Variants in ADGRA3 observed in about 807,000 individuals in gnomAD.
ADGRA3 encodes adhesion G protein-coupled receptor A3.
A neutral mutation model predicts 119.8 loss-of-function variants in ADGRA3; 56 were observed. The ratio of observed to expected loss-of-function variants is 0.47; its 90% CI spans 0.38 to 0.58. ADGRA3 has a LOEUF of 0.58. Ranked by LOEUF, ADGRA3 falls within the 20% of genes least tolerant of loss-of-function variation. The probability of loss-of-function intolerance (pLI) is 0.00; values close to 1 mark genes in which losing one functional copy is unlikely to be tolerated. For missense variants in ADGRA3, 1,516 were observed against 1,649.0 expected, an observed-to-expected ratio of 0.92 and a Z score of 1.40; for synonymous variants, 607 against 623.8, an observed-to-expected ratio of 0.97 and a Z score of 0.40.
Position 22,442,711 on chromosome 4 carries a change from C to G in ADGRA3, c.859G>C (p.Asp287His). The change falls in exon 7 of 19, where the codon GAT becomes CAT. Residue 287 changes from aspartate (D) to histidine (H), a missense_variant. Asp to His is a moderately conservative substitution (Grantham distance 81). Coordinates refer to ENST00000334304, the MANE Select transcript of ADGRA3 (RefSeq NM_145290.4). ...WYQDGRIVET[D>H]ESQGIFVEKN... ...TCAACAAAAATACCTTGCGATTCAT[C>G]GGTTTCAACTATTCTCCCATCCTGA... 2 of 1,613,500 alleles carry G rather than the reference C, an allele frequency of 1.2e-6. No homozygotes were observed. The highest frequency in any genetic ancestry group is 8.5e-7 in the Non-Finnish European group (1 of 1,179,728).
In ADGRA3 at chr4:22,389,074, T is replaced by C. The variant is rs1161675674; in HGVS notation, c.2723+14A>G. The C allele has an allele frequency of 1.2e-6, 2 of 1,611,100 alleles. No individual in the cohort carries two copies. Among genetic ancestry groups the C allele is most frequent in the Non-Finnish European group, 1.7e-6 (2 of 1,177,690 alleles). The stretch of plus-strand genomic sequence containing the variant: ...ACAACTGGGTCAAGTACACAGAGAA[T>C]ATAAAATACTCACTAGGGTGCGTTT... On this transcript the variant is annotated intron_variant, in intron 18 of 18. Coordinates refer to ENST00000334304, the MANE Select transcript of ADGRA3 (RefSeq NM_145290.4).
At chr4:22,487,852 C>A (rs374702966) in intron 1 of ADGRA3, among the ~76,000 whole-genome samples, 1 of 152,160 alleles carries the variant, frequency 6.6e-6, no homozygotes, top group Non-Finnish European at 1.5e-5. Context: ...AGTGATAACA[C>A]TACAATGGCC....
intron 1 of ADGRA3, among the ~76,000 whole-genome samples, chr4:22,493,614 A>T (rs1416658443): frequency 6.6e-6 from 1 of 152,190 alleles, no homozygotes; most frequent in Non-Finnish European, 1.5e-5. Flanking sequence ...CTGGTAAAGC[A>T]CTAGGACTTT....
chr4:22,502,590 C>A (rs985603650), intron 1 of ADGRA3, among the ~76,000 whole-genome samples: 2 of 151,896 alleles, frequency 1.3e-5, no homozygotes, highest in African/African-American at 4.8e-5. Flanking sequence ...GGGAGAGGAG[C>A]TTTTTTAACA....
intron 1 of ADGRA3, among the ~76,000 whole-genome samples, chr4:22,491,894 G>A (rs1225242223): frequency 6.6e-6 from 1 of 152,166 alleles, no homozygotes; most frequent in Non-Finnish European, 1.5e-5. Flanking sequence ...ACTATGAGAA[G>A]AACGGATTTC....
At chr4:22,421,881 C>CCAAAAAAAAAAAAAAAAAGAAAAAAAAA (rs767609157) in intron 11 of ADGRA3, among the ~76,000 whole-genome samples, 1 of 70,442 alleles carries the variant, frequency 1.4e-5, no homozygotes, top group African/African-American at 6.4e-5. Context: ...ACTCAGTCTC[C>CCAAAAAAAAAAAAAAAAAGAAAAAAAAA]AAAAAAAAAA....
At chr4:22,420,589 T>C in intron 12 of ADGRA3, 1 of 453,466 alleles carries the variant, frequency 2.2e-6, no homozygotes, top group South Asian at 4.6e-5. Flanking sequence ...TTAAGTCAAA[T>C]AAGATTTTTT....
At chr4:22,415,155 C>G (rs1009759618) in intron 12 of ADGRA3, among the ~76,000 whole-genome samples, 1 of 152,134 alleles carries the variant, frequency 6.6e-6, no homozygotes, top group Non-Finnish European at 1.5e-5. Flanking sequence ...ATCTCACTCA[C>G]TTTTTGAAAC....
chr4:22,447,937 A>C (rs540284094), intron 4 of ADGRA3, among the ~76,000 whole-genome samples: 3 of 152,358 alleles, frequency 2.0e-5, no homozygotes, highest in Non-Finnish European at 2.9e-5. Flanking sequence ...CTCAATGATC[A>C]GCAGCAGTAG....
At chr4:22,505,792 T>C (rs968701368) in intron 1 of ADGRA3, among the ~76,000 whole-genome samples, 2 of 151,972 alleles carry the variant, frequency 1.3e-5, no homozygotes, top group East Asian at 1.9e-4. Flanking sequence ...ATGACAGATA[T>C]TGAACAGCTA....
chr4:22,438,490 A>C, intron 7 of ADGRA3, 70 bp from the exon 8 acceptor site: 2 of 1,207,442 alleles, frequency 1.7e-6, no homozygotes, highest in Non-Finnish European at 2.3e-6. Flanking sequence ...AATGGGTCTC[A>C]ATCATTAATT....
chr4:22,391,464 C>T (rs1714132753), intron 17 of ADGRA3, among the ~76,000 whole-genome samples: 1 of 152,176 alleles, frequency 6.6e-6, no homozygotes. Context: ...TCCAGCTGGA[C>T]ATCAATCCTA....
chr4:22,443,269 T>C (rs888808775), intron 6 of ADGRA3: 3 of 486,842 alleles, frequency 6.2e-6, no homozygotes, highest in Non-Finnish European at 1.1e-5. Context: ...GTAAAACTAA[T>C]GCATGTTCAC....
intron 1 of ADGRA3, among the ~76,000 whole-genome samples, chr4:22,486,258 C>T (rs764787475): frequency 5.3e-5 from 8 of 152,028 alleles, no homozygotes; most frequent in South Asian, 2.1e-4. Flanking sequence ...AGTAAACAGA[C>T]GCAGCTCACT....
intron 15 of ADGRA3, among the ~76,000 whole-genome samples, 197 bp from the exon 16 acceptor site, chr4:22,401,751 TTTC>T (rs1386710790): frequency 2.0e-4 from 30 of 152,176 alleles, no homozygotes; most frequent in African/African-American, 7.2e-4. Context: ...CTCGATCTCG[TTTC>T]TTAACATTTA....
chr4:22,511,360 C>A (rs780751681), intron 1 of ADGRA3, among the ~76,000 whole-genome samples: 6 of 152,034 alleles, frequency 3.9e-5, no homozygotes, highest in Non-Finnish European at 5.9e-5. Context: ...GCGGTTTAAT[C>A]CCTCAATACA....
rs771069764 is a variant in ADGRA3 at position 22,436,620 on chromosome 4, G to A, written c.1107C>T (p.Gly369=). The change falls in exon 9 of 19, where the codon GGC becomes GGT. Residue 369 remains glycine, a synonymous_variant. Coordinates refer to ENST00000334304, the MANE Select transcript of ADGRA3 (RefSeq NM_145290.4). ...GDFRWPRTLA[G]ITAYLQCTRN... is the part of the protein sequence containing the mutation. ...GCGTACACTGCAGATATGCAGTAAT[G>A]CCTGCCAATGTTCTGGGCCATCTAG... 4.3e-6 allele frequency: 7 copies of A among 1,613,898 alleles called. No individual in the cohort carries two copies. The highest frequency in any genetic ancestry group is 5.9e-6 in the Non-Finnish European group (7 of 1,179,838).
chr4:22,499,423 G>A (rs188817938), intron 1 of ADGRA3, among the ~76,000 whole-genome samples: 3 of 152,254 alleles, frequency 2.0e-5, no homozygotes, highest in East Asian at 1.9e-4. Flanking sequence ...AAACCAATGC[G>A]AATCCCCACT....
intron 3 of ADGRA3, among the ~76,000 whole-genome samples, chr4:22,456,123 T>C (rs1247072642): frequency 6.6e-6 from 1 of 152,236 alleles, no homozygotes; most frequent in African/African-American, 2.4e-5. Context: ...TACTTGGTCA[T>C]GTAGTAGTCT....
Sources: gnomAD v4.1 joint callset for allele counts (sites outside exome capture counted in the v4.1 genomes callset) on GRCh38, gnomAD v4.1.1 for gene constraint, MANE v1.5 for transcripts, NCBI Gene and HGNC (gene_info 2026-07-23, HGNC 2026-07-21) for gene names.